The following TBC1D7 variants were observed in gnomAD, a reference collection of about 807,000 sequenced individuals.
TBC1D7 encodes TBC domain family 7.
Under a neutral mutation model 35.3 loss-of-function variants are expected in TBC1D7, and 33 were observed. The ratio of observed to expected loss-of-function variants is 0.93; its 90% CI spans 0.71 to 1.25. The LOEUF (loss-of-function observed/expected upper bound fraction) is 1.25, where lower values mean the gene tolerates loss of function less well. Among genes scored for constraint, TBC1D7 ranks in the 50% most tolerant of loss-of-function variants. The pLI is 0.00. For missense variants in TBC1D7, 362 were observed against 365.3 expected, an observed-to-expected ratio of 0.99 and a Z score of 0.07; for synonymous variants, 135 against 129.5, an observed-to-expected ratio of 1.04 and a Z score of -0.29.
chr6:13,313,996 C>T (rs770074120), intron 5 of TBC1D7, among the ~76,000 whole-genome samples: 2 of 152,040 alleles, frequency 1.3e-5, no homozygotes, highest in African/African-American at 4.8e-5. Context: ...GCCGAGGGGG[C>T]GGATCACAAG....
At chr6:13,319,469 G>GAAAAAAAAAAAAA (rs1236035284) in intron 4 of TBC1D7, 2 of 98,116 alleles carry the variant, frequency 2.0e-5, no homozygotes, top group Non-Finnish European at 4.3e-5. Flanking sequence ...TCAAAAAAAA[G>GAAAAAAAAAAAAA]AAAAAAAAAA....
intron 7 of TBC1D7, 138 bp from the exon 8 acceptor site, chr6:13,305,325 G>A (rs757168045): frequency 1.8e-5 from 14 of 798,926 alleles, no homozygotes; most frequent in African/African-American, 6.8e-5. Flanking sequence ...AAAGACTTGC[G>A]TCACATGCTA....
intron 5 of TBC1D7, 123 bp downstream of exon 5, chr6:13,316,448 G>T: frequency 9.6e-7 from 1 of 1,046,410 alleles, no homozygotes; most frequent in Non-Finnish European, 1.4e-6. Context: ...GAAAACGCTT[G>T]CTGAGTTCTA....
intron 4 of TBC1D7, chr6:13,318,887 G>A: frequency 6.6e-6 from 1 of 152,202 alleles, no homozygotes. Flanking sequence ...ATCATTAGTG[G>A]ATGGCTACTT....
chr6:13,313,826 C>G (rs1454842106), intron 5 of TBC1D7, among the ~76,000 whole-genome samples: 1 of 152,008 alleles, frequency 6.6e-6, no homozygotes, highest in Admixed American at 6.6e-5. Context: ...TAAAAGCTCC[C>G]AGGTGGTACT....
intron 5 of TBC1D7, among the ~76,000 whole-genome samples, chr6:13,312,108 T>C (rs754007453): frequency 4.9e-4 from 75 of 152,316 alleles, no homozygotes; most frequent in Non-Finnish European, 3.1e-4. Flanking sequence ...TGGTCTTACT[T>C]AACTTCTCTG....
chr6:13,317,355 T>G (rs1015656265), intron 4 of TBC1D7, among the ~76,000 whole-genome samples: 1 of 152,212 alleles, frequency 6.6e-6, no homozygotes, highest in Non-Finnish European at 1.5e-5. Flanking sequence ...GGGACCTTAT[T>G]TGAAAACCTC....
At chr6:13,307,337 G>GGCTGGAAAA (rs1356911588) in intron 6 of TBC1D7, 2 of 318,076 alleles carry the variant, frequency 6.3e-6, no homozygotes, top group African/African-American at 4.3e-5. Flanking sequence ...GGAAAAAAGG[G>GGCTGGAAAA]GCTGACGCTT....
chr6:13,326,754 G>T, intron 2 of TBC1D7, 33 bp downstream of exon 2: 1 of 1,377,872 alleles, frequency 7.3e-7, no homozygotes, highest in South Asian at 1.2e-5. Context: ...GAGTGATTGA[G>T]AACCAATGAG....
chr6:13,321,317 TGA>T (rs777158873), intron 3 of TBC1D7, among the ~76,000 whole-genome samples: 2 of 152,184 alleles, frequency 1.3e-5, no homozygotes, highest in Non-Finnish European at 2.9e-5. Flanking sequence ...ATCACTGATA[TGA>T]GAGAGAAATG....
chr6:13,306,540 G>T lies in TBC1D7; in HGVS notation c.666-13C>A, dbSNP rs1112851. ...TTTATCCCAAACCCTACAAAAATAA[G>T]GAGATATAATCAAATTATATGAGTT... On this transcript the variant is annotated splice_polypyrimidine_tract_variant and intron_variant, in intron 6 of 7. Transcript: ENST00000379300. 4 of 1,570,036 alleles carry T rather than the reference G, an allele frequency of 2.5e-6. No homozygotes were observed. The African/African-American group carries it at 5.5e-5, about 22-fold the overall frequency.
intron 3 of TBC1D7, among the ~76,000 whole-genome samples, chr6:13,322,552 A>AT (rs1158855237): frequency 6.6e-6 from 1 of 152,260 alleles, no homozygotes; most frequent in Non-Finnish European, 1.5e-5. Context: ...ACTAAGCTGT[A>AT]TAAGTGTTAG....
rs1005238369 is a variant in TBC1D7, at chr6:13,322,220, C to T, written c.194-1125G>A. 4.0e-5 allele frequency among the ~76,000 whole-genome samples: 6 copies of T among 151,284 alleles called. No homozygotes were observed. In the South Asian group the frequency reaches 8.4e-4, roughly 21 times the overall value. The stretch of plus-strand genomic sequence containing the variant: ...AGTGAGCTGTGATCGTACCACCGCA[C>T]GCCAGCCTAGAAAACAGAGTAAGAC... On this transcript the variant is annotated intron_variant, in intron 3 of 7. Coordinates refer to ENST00000379300, the MANE Select transcript of TBC1D7 (RefSeq NM_016495.6).
chr6:13,315,595 T>A (rs761634954), intron 5 of TBC1D7, among the ~76,000 whole-genome samples: 1 of 152,094 alleles, frequency 6.6e-6, no homozygotes, highest in African/African-American at 2.4e-5. Flanking sequence ...CAGGCACCTG[T>A]AATCCCACTT....
chr6:13,315,008 C>T (rs1372233702), intron 5 of TBC1D7, among the ~76,000 whole-genome samples: 4 of 152,224 alleles, frequency 2.6e-5, no homozygotes, highest in Non-Finnish European at 5.9e-5. Flanking sequence ...GCCTGCCACA[C>T]TCCCATGTGC....
chr6:13,326,951 G>T, intron 1 of TBC1D7, 45 bp from the exon 2 acceptor site: 2 of 1,113,796 alleles, frequency 1.8e-6, no homozygotes, highest in Non-Finnish European at 2.6e-6. Context: ...AAAGACGAAG[G>T]GGAAAAGTGA....
At chr6:13,321,224 G>A (rs1386407721) in intron 3 of TBC1D7, 129 bp from the exon 4 acceptor site, 8 of 699,362 alleles carry the variant, frequency 1.1e-5, no homozygotes, top group Admixed American at 2.8e-5. Context: ...AGACATTCAA[G>A]TACCATGTAG....
intron 6 of TBC1D7, chr6:13,307,031 C>T (rs1291207567): frequency 6.5e-6 from 1 of 154,636 alleles, no homozygotes; most frequent in African/African-American, 2.4e-5. Flanking sequence ...AATAATAATT[C>T]TGATCATTCC....
At chr6:13,311,854 G>GT (rs1293709905) in intron 5 of TBC1D7, among the ~76,000 whole-genome samples, 5 of 151,636 alleles carry the variant, frequency 3.3e-5, no homozygotes, top group African/African-American at 1.2e-4. Context: ...CTAGAAAGTT[G>GT]TATTAAATAA....
Sources: allele counts gnomAD v4.1 joint callset (sites outside exome capture counted in the v4.1 genomes callset), GRCh38; gene constraint gnomAD v4.1.1; transcripts MANE v1.5; gene names NCBI Gene and HGNC (gene_info 2026-07-23, HGNC 2026-07-21).